Variants in ZSCAN26 observed in about 807,000 individuals in gnomAD.
ZSCAN26 encodes the protein zinc finger and SCAN domain-containing protein 26.
Under a neutral mutation model 23.0 loss-of-function variants are expected in ZSCAN26, and 26 were observed. The observed-to-expected ratio is 1.13, with a 90% confidence interval of 0.83 to 1.57. The LOEUF (loss-of-function observed/expected upper bound fraction) is 1.57. Among genes scored for constraint, ZSCAN26 ranks in the 40% most tolerant of loss-of-function variants. ZSCAN26 has a pLI of 0.00. For synonymous variants in ZSCAN26, 180 were observed against 202.5 expected (o/e 0.89, Z 0.94); for missense variants, 528 against 568.5 (o/e 0.93, Z 0.72).
At chr6:28,269,448 A>G (rs1320906586) in intron 1 of ZSCAN26, among the ~76,000 whole-genome samples, 2 of 152,162 alleles carry the variant, frequency 1.3e-5, no homozygotes, top group Non-Finnish European at 2.9e-5. Context: ...GGGAATTAGC[A>G]TAGGTCATTA....
At chr6:28,269,201 C>A (rs147178674) in intron 1 of ZSCAN26, among the ~76,000 whole-genome samples, 2 of 151,210 alleles carry the variant, frequency 1.3e-5, no homozygotes, top group African/African-American at 4.9e-5. Flanking sequence ...GATATAGATA[C>A]CAGTATATAT....
In ZSCAN26 at chr6:28,276,356, T is replaced by C; in HGVS notation, c.700T>C (p.Cys234Arg). Residue 234 changes from cysteine (C) to arginine (R), a missense_variant, in exon 4 of 4, where the codon TGC becomes CGC. Cys to Arg is a radical substitution (Grantham distance 180, BLOSUM62 -3). Transcript: ENST00000421553. ...GCCCAAAGAGAAGATTGAGTATAAATGCTCAGAACGTGAGCAGAGATTCAT... is the reference window on the plus strand; with the variant it reads ...GCCCAAAGAGAAGATTGAGTATAAACGCTCAGAACGTGAGCAGAGATTCAT... Reference protein sequence around the residue: ...AKPKEKIEYKCSEREQRFIQH... With the variant: ...AKPKEKIEYKRSEREQRFIQH... 2 of 1,614,012 alleles carry C rather than the reference T, an allele frequency of 1.2e-6. No homozygotes were observed. The highest frequency in any genetic ancestry group is 1.7e-5 in the Admixed American group (1 of 60,018).
chr6:28,272,642 A>T, intron 2 of ZSCAN26, 28 bp from the exon 3 acceptor site: 1 of 1,536,990 alleles, frequency 6.5e-7, no homozygotes, highest in Non-Finnish European at 8.8e-7. Context: ...ATATCTAATT[A>T]TGCCTCCATA....
intron 3 of ZSCAN26, among the ~76,000 whole-genome samples, chr6:28,275,694 T>C (rs1325374455): frequency 6.6e-6 from 1 of 152,230 alleles, no homozygotes; most frequent in Non-Finnish European, 1.5e-5. Flanking sequence ...ATTCTTTCTT[T>C]ATGGATGAGG....
chr6:28,270,853 T>G (rs1761652379), intron 1 of ZSCAN26, among the ~76,000 whole-genome samples: 1 of 152,224 alleles, frequency 6.6e-6, no homozygotes, highest in South Asian at 2.1e-4. Context: ...ATGCCAGGTC[T>G]TAGATTAATT....
chr6:28,272,855 C>G (rs1007203405), intron 3 of ZSCAN26, 68 bp downstream of exon 3: 1 of 1,299,238 alleles, frequency 7.7e-7, no homozygotes, highest in Non-Finnish European at 1.1e-6. Flanking sequence ...TGAGGTTGTG[C>G]TTAGCACCCT....
rs577106191 is a variant in ZSCAN26, at chr6:28,277,660, T to C, written c.*564T>C. 1 of 152,270 alleles carries C rather than the reference T, an allele frequency of 6.6e-6. No homozygotes were observed. Among genetic ancestry groups the C allele is most frequent in the African/African-American group, 2.4e-5 (1 of 41,448 alleles). The allele number at this position is 152,270 out of a possible 1,614,324, so 9.4% of individuals were successfully genotyped here. ...GTGGAAGCATTTTCAAAAGCAAAGA[T>C]AATTTTCGCTGGTGAACTTCAGAAC... On this transcript the variant is annotated 3_prime_UTR_variant, in exon 4 of 4. Transcript: ENST00000421553.
chr6:28,273,837 C>T (rs1761822242), intron 3 of ZSCAN26, among the ~76,000 whole-genome samples: 1 of 152,040 alleles, frequency 6.6e-6, no homozygotes, highest in African/African-American at 2.4e-5. Flanking sequence ...CCCACCTCAG[C>T]CTCCCAAGTA....
rs752598872 is a variant in ZSCAN26 at position 28,272,786 on chromosome 6, G to A, written c.537G>A (p.Lys179=). Residue 179 remains lysine (K), a splice_region_variant and synonymous_variant, in exon 3 of 4, where the codon AAG becomes AAA. Transcript: ENST00000421553. ...ECEVTKPEKE[K]GEETRIENGK... is the part of the protein sequence containing the mutation. ...AAGTTACAAAGCCTGAGAAAGAGAA[G>A]GGTAAGAATTGGATTGCATCTTCTG... 4 of 1,611,660 alleles carry A rather than the reference G, an allele frequency of 2.5e-6. No individual in the cohort carries two copies. Among genetic ancestry groups the A allele is most frequent in the Non-Finnish European group, 2.5e-6 (3 of 1,178,562 alleles).
intron 3 of ZSCAN26, among the ~76,000 whole-genome samples, chr6:28,275,350 T>A (rs1050659483): frequency 6.6e-6 from 1 of 152,240 alleles, no homozygotes; most frequent in East Asian, 1.9e-4. Flanking sequence ...TTCTCACCCG[T>A]CTGCTTGTGT....
rs768909296 is a variant in ZSCAN26 at position 28,272,306 on chromosome 6, G to A, written c.387G>A (p.Leu129=). The A allele has an allele frequency of 8.3e-6, 13 of 1,567,568 alleles. No homozygotes were observed. The highest frequency in any genetic ancestry group is 1.1e-5 in the Non-Finnish European group (13 of 1,155,916). The stretch of plus-strand genomic sequence containing the variant: ...ACGTGGTTGTTGTTCTGGAGGATTT[G>A]CAGCTGGATCTTGGAGAAACAGGAC... ...REDVVVVLED[L]QLDLGETGQQ... Residue 129 remains leucine (L), a synonymous_variant, in exon 2 of 4, where the codon TTG becomes TTA. Transcript: ENST00000421553.
In ZSCAN26 at chr6:28,272,266, C is replaced by T; in HGVS notation, c.347C>T (p.Pro116Leu). 6.2e-7 allele frequency: 1 copy of T among 1,608,544 alleles called. No individual in the cohort carries two copies. Among genetic ancestry groups the T allele is most frequent in the South Asian group, 1.1e-5 (1 of 90,126 alleles). Residue 116 changes from proline (P) to leucine (L), a missense_variant, in exon 2 of 4, where the codon CCA becomes CTA. By Grantham distance (98) the Pro-to-Leu change is moderately conservative (BLOSUM62 -3). Transcript: ENST00000421553. ...CAGGCCCGGGTGCAGGAGCATCACC[C>T]AGAGAGCAGGGAGGACGTGGTTGTT... The part of the protein sequence containing the change: ...ELQARVQEHH[P>L]ESREDVVVVL...
chr6:28,277,773 C>T lies in ZSCAN26; in HGVS notation c.*677C>T, dbSNP rs897032203. 2 of 152,184 alleles carry T rather than the reference C, an allele frequency of 1.3e-5. 1 individual carries two copies. Among genetic ancestry groups the T allele is most frequent in the Non-Finnish European group, 2.9e-5 (2 of 68,030 alleles). The allele number at this position is 152,184 out of a possible 1,614,324, so 9.4% of individuals were successfully genotyped here. ...TGTCAAGATTCAAGTTATAAATTAA[C>T]GTTTTACTTAGACTTTGAAAGAGAT... On this transcript the variant is annotated 3_prime_UTR_variant, in exon 4 of 4. Coordinates refer to ENST00000421553, the MANE Select transcript of ZSCAN26 (RefSeq NM_001023560.4).
intron 3 of ZSCAN26, 63 bp downstream of exon 3, chr6:28,272,850 T>C: frequency 7.2e-7 from 1 of 1,395,196 alleles, no homozygotes; most frequent in South Asian, 1.2e-5. Context: ...CCCTCTGAGG[T>C]TGTGCTTAGC....
chr6:28,276,491 A>G lies in ZSCAN26; in HGVS notation c.835A>G (p.Arg279Gly). Residue 279 changes from arginine (R) to glycine (G), a missense_variant, in exon 4 of 4, where the codon AGA (arginine) becomes GGA (glycine). Transcript: ENST00000421553. ...TACAGGACATAAGAAAGTCCTCTCT[A>G]GAGAGAAAGGTCATCAGTGTCATGA... ...SLTGHKKVLS[R>G]EKGHQCHECG... 3.1e-6 allele frequency: 5 copies of G among 1,613,788 alleles called. No homozygotes were observed. The highest frequency in any genetic ancestry group is 4.2e-6 in the Non-Finnish European group (5 of 1,179,840).
At chr6:28,267,807 T>G (rs1381838886) in intron 1 of ZSCAN26, among the ~76,000 whole-genome samples, 1 of 152,184 alleles carries the variant, frequency 6.6e-6, no homozygotes. Context: ...TTTTAAAGCT[T>G]CTTTACTTGG....
At chr6:28,270,989 A>G (rs1761658343) in intron 1 of ZSCAN26, among the ~76,000 whole-genome samples, 1 of 152,234 alleles carries the variant, frequency 6.6e-6, no homozygotes, top group African/African-American at 2.4e-5. Flanking sequence ...ATTAGGTATT[A>G]TCTTCATTTT....
At chr6:28,275,302 A>G (rs1445539245) in intron 3 of ZSCAN26, among the ~76,000 whole-genome samples, 1 of 152,250 alleles carries the variant, frequency 6.6e-6, no homozygotes, top group Non-Finnish European at 1.5e-5. Context: ...ACTGGTAAAT[A>G]AAAATATAAA....
At chr6:28,276,093 T>C in intron 3 of ZSCAN26, 102 bp from the exon 4 acceptor site, 8 of 1,063,940 alleles carry the variant, frequency 7.5e-6, no homozygotes, top group East Asian at 2.5e-5. Context: ...GTTTTTACTT[T>C]GCACACATGG....
Sources: allele counts gnomAD v4.1 joint callset (sites outside exome capture counted in the v4.1 genomes callset), GRCh38; gene constraint gnomAD v4.1.1; transcripts MANE v1.5; gene names NCBI Gene and HGNC (gene_info 2026-07-23, HGNC 2026-07-21).